The following FBXO6 variants were observed in gnomAD, a reference collection of about 807,000 sequenced individuals.
FBXO6 encodes the protein F-box only protein 6.
In FBXO6, 13 loss-of-function variants were observed where a neutral mutation model predicts 25.0. The ratio of observed to expected loss-of-function variants is 0.52; its 90% CI spans 0.34 to 0.83. The LOEUF is 0.83. Ranked by LOEUF, FBXO6 falls within the 40% of genes least tolerant of loss-of-function variation. The pLI is 0.02. For synonymous variants in FBXO6, 138 were observed against 155.3 expected (o/e 0.89, Z 0.83); for missense variants, 370 against 380.2 (o/e 0.97, Z 0.22).
intron 2 of FBXO6, among the ~76,000 whole-genome samples, chr1:11,669,721 C>T (rs1300823292): frequency 8.2e-6 from 1 of 121,668 alleles, no homozygotes; most frequent in African/African-American, 3.4e-5. Context: ...TATGTGTATA[C>T]ATATATACAT....
intron 2 of FBXO6, among the ~76,000 whole-genome samples, chr1:11,669,482 ATTT>A (rs1408718799): frequency 6.7e-6 from 1 of 148,876 alleles, no homozygotes; most frequent in Non-Finnish European, 1.5e-5. Flanking sequence ...AAAAAAAAAA[ATTT>A]TTTTTTCAGA....
chr1:11,668,398 T>TG (rs1308093478), intron 1 of FBXO6, among the ~76,000 whole-genome samples: 1 of 125,668 alleles, frequency 8.0e-6, no homozygotes, highest in African/African-American at 4.2e-5. Flanking sequence ...TGCTCTTTTG[T>TG]GGGTTTTTTT....
chr1:11,670,250 C>T (rs953863122), intron 2 of FBXO6, among the ~76,000 whole-genome samples: 1 of 151,020 alleles, frequency 6.6e-6, no homozygotes, highest in African/African-American at 2.4e-5. Flanking sequence ...ATTGCCTGGG[C>T]AGCGCCAGTA....
At chr1:11,671,899 G>A (rs1017132570) in intron 3 of FBXO6, 29 bp from the exon 4 acceptor site, 12 of 1,592,242 alleles carry the variant, frequency 7.5e-6, no homozygotes, top group Non-Finnish European at 9.5e-6. Flanking sequence ...GCACACCCAG[G>A]TATGCAAGCC....
intron 4 of FBXO6, 153 bp downstream of exon 4, chr1:11,672,176 C>T: frequency 4.7e-6 from 3 of 640,022 alleles, no homozygotes; most frequent in Non-Finnish European, 8.3e-6. Context: ...TGCACCCACA[C>T]CCTGCGGCAC....
In FBXO6 at chr1:11,673,920, G is replaced by A; in HGVS notation, c.*69G>A. On this transcript the variant is annotated 3_prime_UTR_variant, in exon 6 of 6. Coordinates refer to ENST00000376753, the MANE Select transcript of FBXO6 (RefSeq NM_018438.6). This position sits in a 1 kb window ranked among gnomAD's most constrained non-coding sequence, Gnocchi z 4.3. ...GCAGGAGCTGAGCATGGGGTGGGCA[G>A]TGAGGTCCCTGTACCAGCGACTCCT... 1 of 1,429,906 alleles carries A rather than the reference G, an allele frequency of 7.0e-7. No homozygotes were observed. The highest frequency in any genetic ancestry group is 9.8e-7 in the Non-Finnish European group (1 of 1,016,596). 88.6% of individuals were successfully genotyped at this position (1,429,906 alleles called of 1,614,324 possible).
chr1:11,668,539 G>C, intron 1 of FBXO6, 117 bp from the exon 2 acceptor site: 1 of 1,309,912 alleles, frequency 7.6e-7, no homozygotes, highest in South Asian at 1.4e-5. Context: ...TGGGACTCCA[G>C]GCATGTGCCA....
intron 1 of FBXO6, among the ~76,000 whole-genome samples, chr1:11,666,539 G>A (rs982707898): frequency 1.3e-5 from 2 of 151,828 alleles, no homozygotes; most frequent in African/African-American, 2.4e-5. Flanking sequence ...ACACCACCAC[G>A]CCTGGCTAAT....
chr1:11,673,275 A>G lies in FBXO6; in HGVS notation c.510-2A>G, dbSNP rs779223691. 1.2e-6 allele frequency: 2 copies of G among 1,611,686 alleles called. No individual in the cohort carries two copies. Among genetic ancestry groups the G allele is most frequent in the South Asian group, 2.2e-5 (2 of 90,674 alleles). ...ACACAGGGCTCTCAACCCCTCCACC[A>G]GGTTTGCTGCCAGAGCCGACTGTGG... On this transcript the variant is annotated splice_acceptor_variant, in intron 4 of 5. Transcript: ENST00000376753. LOFTEE classifies it high-confidence loss of function. The surrounding 1 kb of genome is among the most constrained non-coding windows in gnomAD (Gnocchi z 4.3).
At chr1:11,667,531 A>G (rs2100687521) in intron 1 of FBXO6, among the ~76,000 whole-genome samples, 1 of 152,056 alleles carries the variant, frequency 6.6e-6, no homozygotes, top group East Asian at 1.9e-4. Flanking sequence ...TCCTTTTCAC[A>G]GCTTCCCAAC....
At chr1:11,670,054 T>C (rs1640573416) in intron 2 of FBXO6, among the ~76,000 whole-genome samples, 1 of 149,448 alleles carries the variant, frequency 6.7e-6, no homozygotes, top group Non-Finnish European at 1.5e-5. Flanking sequence ...CTACTAAAAA[T>C]GTAAAAAAAT....
intron 1 of FBXO6, among the ~76,000 whole-genome samples, chr1:11,667,752 C>G (rs1341330190): frequency 6.6e-6 from 1 of 152,170 alleles, no homozygotes; most frequent in Non-Finnish European, 1.5e-5. Flanking sequence ...TTTCTCAGCG[C>G]TAGCTCACCA....
intron 1 of FBXO6, among the ~76,000 whole-genome samples, chr1:11,667,562 T>C (rs1256865364): frequency 1.3e-5 from 2 of 151,898 alleles, no homozygotes; most frequent in African/African-American, 4.8e-5. Context: ...AGACCAGGAT[T>C]CAAACCCAGG....
At position 11,671,331 on chromosome 1, in the gene FBXO6, G is replaced by A. The variant is rs758896535; in HGVS notation, c.352G>A (p.Gly118Arg). The A allele has an allele frequency of 6.2e-7, 1 of 1,614,106 alleles. No individual in the cohort carries two copies. The highest frequency in any genetic ancestry group is 1.1e-5 in the South Asian group (1 of 91,084). ...CCGCTGGAAGGTGGAGAGCCTCCCT[G>A]GAGCCCACGGGACAGATTTTCCTGA... The part of the protein sequence containing the change: ...GDRWKVESLP[G>R]AHGTDFPDPK... Residue 118 changes from glycine (G) to arginine (R), a missense_variant, in exon 3 of 6, where the codon GGA (glycine) becomes AGA (arginine). By Grantham distance (125) the Gly-to-Arg change is moderately radical. Transcript: ENST00000376753.
chr1:11,667,344 G>C (rs1013505313), intron 1 of FBXO6, among the ~76,000 whole-genome samples: 7 of 152,172 alleles, frequency 4.6e-5, no homozygotes, highest in Non-Finnish European at 1.0e-4. Context: ...GGTGCCCCCA[G>C]GTAACAGATT....
intron 2 of FBXO6, among the ~76,000 whole-genome samples, chr1:11,670,783 C>T (rs970798632): frequency 6.6e-6 from 1 of 152,160 alleles, no homozygotes; most frequent in Non-Finnish European, 1.5e-5. Context: ...GGACAGTACT[C>T]TCACAGGCCT....
chr1:11,665,215 C>CTTTTTTTTT lies in FBXO6; in HGVS notation c.-4+979_-4+987dup, dbSNP rs541103021. 4.9e-5 allele frequency among the ~76,000 whole-genome samples: 3 copies of CTTTTTTTTT among 61,586 alleles called. 1 individual carries two copies. Among genetic ancestry groups the CTTTTTTTTT allele is most frequent in the Non-Finnish European group, 2.9e-5 (1 of 34,828 alleles). 40.4% of individuals were successfully genotyped at this position (61,586 alleles called of 152,430 possible). On this transcript the variant is annotated intron_variant, in intron 1 of 5. Transcript: ENST00000376753. The stretch of plus-strand genomic sequence containing the variant: ...ACGGGCCACCAGGCCTAGCTAATTT[C>CTTTTTTTTT]TTTTTTTTTTTTTTTTTTTTTTTTT...
At position 11,673,216 on chromosome 1, in the gene FBXO6, C is replaced by T; in HGVS notation, c.510-61C>T. 6.5e-7 allele frequency: 1 copy of T among 1,549,510 alleles called. No homozygotes were observed. The highest frequency in any genetic ancestry group is 1.2e-5 in the South Asian group (1 of 81,166). On this transcript the variant is annotated intron_variant, in intron 4 of 5. Coordinates refer to ENST00000376753, the MANE Select transcript of FBXO6 (RefSeq NM_018438.6). The surrounding 1 kb of genome is among the most constrained non-coding windows in gnomAD (Gnocchi z 4.3). Reference sequence around the variant, plus strand: ...AGCTCCAATGTATAGGTCCCACCTGCCCCCACCCCTGGGGCCAGCCCTCGG... The same window carrying T: ...AGCTCCAATGTATAGGTCCCACCTGTCCCCACCCCTGGGGCCAGCCCTCGG...
At chr1:11,665,347 C>A (rs1299993421) in intron 1 of FBXO6, among the ~76,000 whole-genome samples, 6 of 149,956 alleles carry the variant, frequency 4.0e-5, no homozygotes, top group Non-Finnish European at 7.4e-5. Context: ...GCCTCAGCCT[C>A]CCGAGTAGCT....
Sources: gnomAD v4.1 joint callset for allele counts (sites outside exome capture counted in the v4.1 genomes callset) on GRCh38, gnomAD v4.1.1 for gene constraint, Gnocchi (gnomAD v3.1) non-coding constraint, MANE v1.5 for transcripts, NCBI Gene and HGNC (gene_info 2026-07-23, HGNC 2026-07-21) for gene names.